Variants in FAM171A1 observed in about 807,000 individuals in gnomAD.
FAM171A1 encodes the protein family with sequence similarity 171 member A1.
In FAM171A1, 23 loss-of-function variants were observed where a neutral mutation model predicts 74.9. The observed-to-expected ratio is 0.31, with a 90% CI of 0.22 to 0.44. FAM171A1 has a LOEUF of 0.44. Ranked by LOEUF, FAM171A1 falls within the 20% of genes least tolerant of loss-of-function variation. The pLI is 1.00. For missense variants in FAM171A1, 1,162 were observed against 1,159.2 expected (o/e 1.00, Z -0.03); for synonymous variants, 527 against 505.7 (o/e 1.04, Z -0.57).
intron 3 of FAM171A1, among the ~76,000 whole-genome samples, chr10:15,257,765 A>G (rs959351563): frequency 6.6e-6 from 1 of 152,236 alleles, no homozygotes; most frequent in Non-Finnish European, 1.5e-5. Context: ...AAATGACTGA[A>G]GCAGCACGTG....
chr10:15,263,871 CTATCTA>C (rs1343168461), intron 3 of FAM171A1, among the ~76,000 whole-genome samples: 12 of 147,486 alleles, frequency 8.1e-5, no homozygotes, highest in Non-Finnish European at 1.7e-4. Flanking sequence ...ATCTATCTAT[CTATCTA>C]TCTATCTATC....
chr10:15,313,755 C>T (rs77556018), intron 1 of FAM171A1, among the ~76,000 whole-genome samples: 20 of 152,274 alleles, frequency 1.3e-4, no homozygotes, highest in Non-Finnish European at 1.9e-4. Context: ...ATGCCATTCA[C>T]GGTTCACATT....
intron 2 of FAM171A1, among the ~76,000 whole-genome samples, chr10:15,277,754 A>T (rs1298223081): frequency 6.6e-6 from 1 of 151,956 alleles, no homozygotes; most frequent in African/African-American, 2.4e-5. Flanking sequence ...GTCACTTCAC[A>T]GTGCTGGCTC....
At chr10:15,313,114 C>T (rs1048471665) in intron 1 of FAM171A1, among the ~76,000 whole-genome samples, 1 of 152,214 alleles carries the variant, frequency 6.6e-6, no homozygotes, top group South Asian at 2.1e-4. Flanking sequence ...AGCACTGGCC[C>T]AGAAACCAGC....
At chr10:15,348,919 G>A (rs934177273) in intron 1 of FAM171A1, among the ~76,000 whole-genome samples, 7 of 152,070 alleles carry the variant, frequency 4.6e-5, no homozygotes, top group Admixed American at 4.6e-4. Context: ...CTAAAGCAAC[G>A]GAGCTGTTTT....
In FAM171A1 at chr10:15,226,626, C is replaced by A. The variant is rs565725376; in HGVS notation, c.755-5566G>T. Among the ~76,000 whole-genome samples, 9 of 152,270 alleles carry A rather than the reference C, an allele frequency of 5.9e-5. No individual in the cohort carries two copies. The East Asian group carries it at 1.5e-3, about 26-fold the overall frequency. On this transcript the variant is annotated intron_variant, in intron 5 of 7. Coordinates refer to ENST00000378116, the MANE Select transcript of FAM171A1 (RefSeq NM_001010924.2). ...CATTTATAAAAATTCTAAAAAGCAT[C>A]ATTTCCTCCTGCTCTGTGAATGTGA...
chr10:15,317,636 G>A (rs1187396943), intron 1 of FAM171A1, among the ~76,000 whole-genome samples: 1 of 151,976 alleles, frequency 6.6e-6, no homozygotes, highest in Non-Finnish European at 1.5e-5. Flanking sequence ...CTTGTGATCT[G>A]CCTGCCTCAG....
intron 6 of FAM171A1, among the ~76,000 whole-genome samples, chr10:15,218,764 A>T (rs1408348597): frequency 1.3e-5 from 2 of 151,920 alleles, no homozygotes; most frequent in Admixed American, 6.6e-5. Context: ...CTGGCTAATT[A>T]AAAAAAATTT....
At chr10:15,349,071 T>A (rs1455086390) in intron 1 of FAM171A1, among the ~76,000 whole-genome samples, 2 of 152,204 alleles carry the variant, frequency 1.3e-5, no homozygotes, top group African/African-American at 2.4e-5. Context: ...TTATATCCAA[T>A]CAGAGTTTTT....
intron 4 of FAM171A1, among the ~76,000 whole-genome samples, chr10:15,249,791 G>A (rs1032161310): frequency 1.3e-5 from 2 of 152,268 alleles, no homozygotes; most frequent in African/African-American, 4.8e-5. Flanking sequence ...AAGCTTTAAT[G>A]ACTGCCTACA....
intron 3 of FAM171A1, among the ~76,000 whole-genome samples, chr10:15,274,953 G>A (rs905598121): frequency 1.4e-4 from 21 of 152,134 alleles, no homozygotes; most frequent in Non-Finnish European, 2.5e-4. Context: ...TCCTTTGTAG[G>A]GACATGGATG....
intron 1 of FAM171A1, among the ~76,000 whole-genome samples, chr10:15,284,484 G>A (rs1414158752): frequency 3.3e-5 from 5 of 152,138 alleles, no homozygotes; most frequent in Admixed American, 6.5e-5. Context: ...GTACAGGTGC[G>A]TGATGATGGC....
intron 1 of FAM171A1, among the ~76,000 whole-genome samples, chr10:15,293,874 T>C (rs1835131191): frequency 6.6e-6 from 1 of 152,170 alleles, no homozygotes; most frequent in South Asian, 2.1e-4. Flanking sequence ...CCTTCTGAAA[T>C]AGTCTTCCTC....
chr10:15,215,944 G>T (rs1833961663), intron 7 of FAM171A1, 52 bp downstream of exon 7: 3 of 1,201,452 alleles, frequency 2.5e-6, no homozygotes, highest in Admixed American at 2.5e-5. Flanking sequence ...AGTATCAATT[G>T]CCCAAGAAAC....
chr10:15,309,532 A>G (rs1030717461), intron 1 of FAM171A1, among the ~76,000 whole-genome samples: 1 of 152,278 alleles, frequency 6.6e-6, no homozygotes, highest in Non-Finnish European at 1.5e-5. Flanking sequence ...TCTAATGCAC[A>G]TATTTACTGA....
At chr10:15,361,322 T>C (rs1835991567) in intron 1 of FAM171A1, among the ~76,000 whole-genome samples, 1 of 152,108 alleles carries the variant, frequency 6.6e-6, no homozygotes, top group Non-Finnish European at 1.5e-5. Context: ...ACTCAAATAA[T>C]GTCAGAATAA....
At chr10:15,312,840 GGCCCACCACCAC>G (rs901458970) in intron 1 of FAM171A1, among the ~76,000 whole-genome samples, 1 of 151,338 alleles carries the variant, frequency 6.6e-6, no homozygotes, top group Admixed American at 6.6e-5. Context: ...TGGGATTACA[GGCCCACCACCAC>G]GCCCGGTTAA....
At chr10:15,223,625 G>A (rs1004508304) in intron 5 of FAM171A1, among the ~76,000 whole-genome samples, 2 of 152,030 alleles carry the variant, frequency 1.3e-5, no homozygotes, top group African/African-American at 2.4e-5. Context: ...TTGGCTGGGG[G>A]TGGTGGCTCA....
chr10:15,358,023 T>C (rs568997794), intron 1 of FAM171A1, among the ~76,000 whole-genome samples: 1 of 152,334 alleles, frequency 6.6e-6, no homozygotes, highest in African/African-American at 2.4e-5. Flanking sequence ...TCACCCAGGC[T>C]GGAGTGCACT....
Sources: gnomAD v4.1 joint callset for allele counts (sites outside exome capture counted in the v4.1 genomes callset) on GRCh38, gnomAD v4.1.1 for gene constraint, MANE v1.5 for transcripts, NCBI Gene and HGNC (gene_info 2026-07-23, HGNC 2026-07-21) for gene names.